Variants in DNAH10 observed in about 807,000 individuals in gnomAD.
DNAH10 encodes the protein axonemal beta dynein heavy chain 10.
Under a neutral mutation model 506.6 loss-of-function variants are expected in DNAH10, and 348 were observed. The observed-to-expected ratio is 0.69, with a 90% CI of 0.63 to 0.75. DNAH10 has a LOEUF of 0.75. Ranked by LOEUF, DNAH10 falls within the 30% of genes least tolerant of loss-of-function variation. The probability of loss-of-function intolerance (pLI) is 0.00; values close to 1 mark genes in which losing one functional copy is unlikely to be tolerated. For missense variants in DNAH10, 5,179 were observed against 5,787.1 expected, an observed-to-expected ratio of 0.89 and a Z score of 3.41; for synonymous variants, 2,059 against 2,198.6, an observed-to-expected ratio of 0.94 and a Z score of 1.78.
chr12:123,848,047 G>A lies in DNAH10; in HGVS notation c.5901G>A (p.Leu1967=), dbSNP rs566989710. The A allele has an allele frequency of 1.1e-5, 18 of 1,613,944 alleles. No homozygotes were observed. In the East Asian group the frequency reaches 3.3e-4, roughly 30 times the overall value. The change falls in exon 33 of 79, where the codon TTG becomes TTA. Residue 1967 remains leucine (L), a synonymous_variant. Coordinates refer to ENST00000673944, the MANE Select transcript of DNAH10 (RefSeq NM_001372106.1). ...CCACCAAGGACCTGGCGAAAGCCTT[G>A]GGCTTGCTCTGTGTTGTCACCAACT... ...TETTKDLAKA[L]GLLCVVTNCG... is the part of the protein sequence containing the mutation.
intron 19 of DNAH10, among the ~76,000 whole-genome samples, chr12:123,810,421 G>A (rs1004379836): frequency 1.3e-5 from 2 of 152,180 alleles, no homozygotes; most frequent in African/African-American, 4.8e-5. Flanking sequence ...GGTGGCTCAC[G>A]CCTGTAATCC....
rs368274139 is a variant in DNAH10, at chr12:123,845,767, G to A, written c.5528G>A (p.Arg1843His). 6 of 1,613,924 alleles carry A rather than the reference G, an allele frequency of 3.7e-6. No homozygotes were observed. Among genetic ancestry groups the A allele is most frequent in the East Asian group, 4.5e-5 (2 of 44,868 alleles). ...CGGCAGATCGATGAGTTGGTAACGC[G>A]CATCACCATGCCGCTAAGCAAAAAC... ...MHRQIDELVT[R>H]ITMPLSKNDR... is the part of the protein sequence containing the mutation. Residue 1843 changes from arginine to histidine, a missense_variant, in exon 31 of 79, where the codon CGC (arginine) becomes CAC (histidine). This residue lies in a region of DNAH10 where 4,844 missense variants were observed against 5,430.5 expected (regional missense o/e 0.89). Transcript: ENST00000673944.
At chr12:123,900,019 A>G (rs1953446467) in intron 56 of DNAH10, among the ~76,000 whole-genome samples, 1 of 151,890 alleles carries the variant, frequency 6.6e-6, no homozygotes, top group African/African-American at 2.4e-5. Flanking sequence ...TTGCCTACCT[A>G]ATTTCTCATG....
At chr12:123,766,239 CTCTG>C (rs911122247) in intron 1 of DNAH10, among the ~76,000 whole-genome samples, 10 of 152,046 alleles carry the variant, frequency 6.6e-5, no homozygotes, top group Admixed American at 1.3e-4. Context: ...GTCTGTCTAT[CTCTG>C]TCTGTCTAGG....
At position 123,811,745 on chromosome 12, in the gene DNAH10, C is replaced by T. The variant is rs146415619; in HGVS notation, c.3145-1419C>T. On this transcript the variant is annotated intron_variant, in intron 19 of 78. Coordinates refer to ENST00000673944, the MANE Select transcript of DNAH10 (RefSeq NM_001372106.1). ...GTCTCAATCTCCTGACCTTGTGATCCGCCCACCTCGGCCTCCCAAAGTGCT... is the reference window on the plus strand; with the variant it reads ...GTCTCAATCTCCTGACCTTGTGATCTGCCCACCTCGGCCTCCCAAAGTGCT... Among the ~76,000 whole-genome samples, 1,177 of 152,118 alleles carry T rather than the reference C, an allele frequency of 7.7e-3. 30 individuals are homozygous for T. The highest frequency in any genetic ancestry group is 0.026 in the African/African-American group (1,085 of 41,502).
Position 123,893,242 on chromosome 12 carries a change from C to T in DNAH10, c.9005C>T (p.Pro3002Leu). The change falls in exon 53 of 79, where the codon CCT (proline) becomes CTT (leucine). Residue 3002 changes from proline to leucine, a missense_variant. Pro to Leu is a moderately conservative substitution (Grantham distance 98, BLOSUM62 -3). Transcript: ENST00000673944. Reference sequence around the variant, plus strand: ...TGTCTTCCTTTTCCAGGAATTGTACCTGCGCTTTTTTCTGAAGAGGAGAAA... The same window carrying T: ...TGTCTTCCTTTTCCAGGAATTGTACTTGCGCTTTTTTCTGAAGAGGAGAAA... ...INNMLTSGIV[P>L]ALFSEEEKES... 6.2e-7 allele frequency: 1 copy of T among 1,614,002 alleles called. No individual in the cohort carries two copies. The highest frequency in any genetic ancestry group is 8.5e-7 in the Non-Finnish European group (1 of 1,179,874).
intron 12 of DNAH10, among the ~76,000 whole-genome samples, chr12:123,794,762 C>T (rs1323391484): frequency 1.3e-5 from 2 of 151,746 alleles, no homozygotes; most frequent in Non-Finnish European, 2.9e-5. Flanking sequence ...GGGAGAATCA[C>T]CTGGGCCAAT....
At position 123,762,500 on chromosome 12, in the gene DNAH10, C is replaced by A; in HGVS notation, c.164C>A (p.Ala55Glu). The A allele has an allele frequency of 6.5e-7, 1 of 1,532,754 alleles. No individual in the cohort carries two copies. The highest frequency in any genetic ancestry group is 8.8e-7 in the Non-Finnish European group (1 of 1,137,558). 94.9% of individuals were successfully genotyped at this position (1,532,754 alleles called of 1,614,324 possible). A position where few individuals can be genotyped will look rare whatever the true frequency, so the allele number is the denominator to read the frequency against. ...GCGAGCGAGGAGGAGGGGCCCTCGG[C>A]GCTCTTCATCTACCGCACTATGGTG... The part of the protein sequence containing the change: ...NQASEEEGPS[A>E]LFIYRTMVPE... Residue 55 changes from alanine to glutamate, a missense_variant, in exon 1 of 79, where the codon GCG becomes GAG. Ala to Glu is a moderately radical substitution (Grantham distance 107). Coordinates refer to ENST00000673944, the MANE Select transcript of DNAH10 (RefSeq NM_001372106.1). The surrounding 1 kb of genome is among the most constrained non-coding windows in gnomAD (Gnocchi z 5.0).
chr12:123,780,942 CAAAAAA>C, intron 5 of DNAH10, 132 bp from the exon 6 acceptor site: 32 of 332,674 alleles, frequency 9.6e-5, no homozygotes, highest in South Asian at 1.8e-4. Context: ...GACTCTGTCT[CAAAAAA>C]AAAAAAAAAA....
intron 18 of DNAH10, among the ~76,000 whole-genome samples, chr12:123,808,054 A>G (rs895899800): frequency 3.2e-5 from 1 of 31,300 alleles, no homozygotes; most frequent in African/African-American, 1.3e-4. Flanking sequence ...GTTTTTTGAG[A>G]CAGGGTCTCA....
intron 36 of DNAH10, among the ~76,000 whole-genome samples, chr12:123,855,797 G>A (rs1049868716): frequency 4.6e-5 from 7 of 151,064 alleles, no homozygotes; most frequent in Non-Finnish European, 8.9e-5. Flanking sequence ...CCCTCTGGCC[G>A]AGATCTGTTT....
chr12:123,828,311 C>G (rs1177354302), intron 25 of DNAH10, among the ~76,000 whole-genome samples: 1 of 152,070 alleles, frequency 6.6e-6, no homozygotes. Flanking sequence ...GAAAGAAACA[C>G]AAAAGGTGGC....
At chr12:123,799,483 C>A in intron 14 of DNAH10, 112 bp downstream of exon 14, 1 of 1,415,086 alleles carries the variant, frequency 7.1e-7, no homozygotes, top group Non-Finnish European at 9.5e-7. Flanking sequence ...TTTCCAGAAT[C>A]AAAGACAAGG....
chr12:123,851,235 G>T (rs995016422), intron 35 of DNAH10, among the ~76,000 whole-genome samples, 159 bp downstream of exon 35: 1 of 148,078 alleles, frequency 6.8e-6, no homozygotes, highest in East Asian at 2.0e-4. Context: ...CCTAGGATGT[G>T]TTAGCTCCGT....
chr12:123,883,401 C>T (rs921639922), intron 51 of DNAH10, among the ~76,000 whole-genome samples: 3 of 152,184 alleles, frequency 2.0e-5, no homozygotes, highest in Non-Finnish European at 2.9e-5. Context: ...AGGTAACTCA[C>T]CTGCAAGGGG....
chr12:123,885,744 C>T (rs568255842), intron 51 of DNAH10, among the ~76,000 whole-genome samples: 1 of 152,296 alleles, frequency 6.6e-6, no homozygotes, highest in African/African-American at 2.4e-5. Context: ...TTCACATATT[C>T]TTGCCAATAC....
intron 5 of DNAH10, among the ~76,000 whole-genome samples, chr12:123,775,399 A>G (rs1406156809): frequency 6.6e-6 from 1 of 152,186 alleles, no homozygotes; most frequent in African/African-American, 2.4e-5. Flanking sequence ...ATGAGCCACC[A>G]TGCTTGGCCT....
intron 52 of DNAH10, 110 bp downstream of exon 52, chr12:123,887,423 GTGTACC>G: frequency 1.5e-6 from 2 of 1,306,416 alleles, no homozygotes; most frequent in Admixed American, 2.8e-5. Flanking sequence ...CCCTGTGCGG[GTGTACC>G]TGTTCCTCCC....
Position 123,916,521 on chromosome 12 carries a change from CT to C in DNAH10, c.10790del (p.Phe3597SerfsTer13), listed in dbSNP as rs1483818953. 2 of 1,613,922 alleles carry C rather than the reference CT, an allele frequency of 1.2e-6. No individual in the cohort carries two copies. The highest frequency in any genetic ancestry group is 1.7e-6 in the Non-Finnish European group (2 of 1,179,886). ...QLEMSIKYGT[P>X]FLFRDVDEYI... Reference sequence around the variant, plus strand: ...GAGATGTCCATAAAGTACGGGACCCCTTTCCTGTTCCGCGATGTTGATGAAT... The same window carrying C: ...GAGATGTCCATAAAGTACGGGACCCCTTCCTGTTCCGCGATGTTGATGAAT... On this transcript the variant is annotated frameshift_variant, in exon 63 of 79. Transcript: ENST00000673944. LOFTEE classifies it high-confidence loss of function. The surrounding 1 kb of genome is among the most constrained non-coding windows in gnomAD (Gnocchi z 4.6).
Sources: allele counts gnomAD v4.1 joint callset (sites outside exome capture counted in the v4.1 genomes callset), GRCh38; gene constraint gnomAD v4.1.1; regional missense constraint gnomAD v4.1.1; non-coding constraint Gnocchi (gnomAD v3.1); transcripts MANE v1.5; gene names NCBI Gene and HGNC (gene_info 2026-07-23, HGNC 2026-07-21).